Variants in CPZ observed in about 807,000 individuals in gnomAD.
CPZ encodes VEZT/CPZ fusion.
CPZ carries 103 observed loss-of-function variants against 61.8 expected under a neutral mutation model. The observed-to-expected ratio is 1.67, with a 90% CI of 1.42 to 1.96. The LOEUF is 1.96. Among genes scored for constraint, CPZ ranks in the 30% most tolerant of loss-of-function variants. The pLI, the probability that CPZ is intolerant of heterozygous loss-of-function variation, is 0.00. For synonymous variants in CPZ, 551 were observed against 373.7 expected (o/e 1.47, Z -5.47); for missense variants, 1,461 against 914.9 (o/e 1.60, Z -7.70).
At chr4:8,611,118 C>A in intron 7 of CPZ, 1 of 424,064 alleles carries the variant, frequency 2.4e-6, no homozygotes. Context: ...TCACTGGGCC[C>A]TGCCTGTCCA....
Position 8,592,797 on chromosome 4 carries a change from A to G in CPZ, c.-37A>G, listed in dbSNP as rs1489466900. 1 of 1,356,720 alleles carries G rather than the reference A, an allele frequency of 7.4e-7. No homozygotes were observed. Among genetic ancestry groups the G allele is most frequent in the Non-Finnish European group, 9.5e-7 (1 of 1,051,812 alleles). The allele number at this position is 1,356,720 out of a possible 1,614,324, so 84.0% of individuals were successfully genotyped here. ...CGGCCCCGCGCGGCCCGAGTGCCACATCACTGCGCTGGCCGTCCAAGGTCC... is the reference window on the plus strand; with the variant it reads ...CGGCCCCGCGCGGCCCGAGTGCCACGTCACTGCGCTGGCCGTCCAAGGTCC... On this transcript the variant is annotated 5_prime_UTR_variant, in exon 1 of 11. Coordinates refer to ENST00000360986, the MANE Select transcript of CPZ (RefSeq NM_001014447.3).
chr4:8,617,748 C>T (rs1010884231), intron 9 of CPZ, among the ~76,000 whole-genome samples: 1 of 152,174 alleles, frequency 6.6e-6, no homozygotes. Flanking sequence ...CTTCAGCATC[C>T]TTGGACCCCA....
At chr4:8,602,004 G>C (rs1477139752) in intron 3 of CPZ, 3 of 153,110 alleles carry the variant, frequency 2.0e-5, no homozygotes, top group Admixed American at 6.5e-5. Context: ...AGATCACACA[G>C]AGGGTTTGGC....
intron 5 of CPZ, 70 bp from the exon 6 acceptor site, chr4:8,606,667 G>T: frequency 1.9e-6 from 3 of 1,592,740 alleles, no homozygotes; most frequent in Non-Finnish European, 2.6e-6. Flanking sequence ...AGCCCAGCGT[G>T]AGACCCATCT....
At chr4:8,618,941 G>A (rs1716444346) in intron 10 of CPZ, among the ~76,000 whole-genome samples, 1 of 150,476 alleles carries the variant, frequency 6.6e-6, no homozygotes, top group Non-Finnish European at 1.5e-5. Context: ...AAAAATGACG[G>A]TATGCTGTGA....
intron 1 of CPZ, among the ~76,000 whole-genome samples, chr4:8,595,394 T>C (rs1448337745): frequency 6.6e-6 from 1 of 152,218 alleles, no homozygotes; most frequent in Non-Finnish European, 1.5e-5. Flanking sequence ...CAATGGTGAA[T>C]AGCCTAACCA....
rs541190130 is a variant in CPZ, at chr4:8,616,389, C to T, written c.1503+1891C>T. 3.2e-4 allele frequency among the ~76,000 whole-genome samples: 48 copies of T among 152,298 alleles called. No homozygotes were observed. The East Asian group carries it at 6.8e-3, about 21-fold the overall frequency. ...CAAGAGCAGGGACAGAAAAAAAATC[C>T]GTCCACTGCAGGCTGATGCTGAGGG... On this transcript the variant is annotated intron_variant, in intron 9 of 10. Transcript: ENST00000360986.
intron 2 of CPZ, chr4:8,599,723 G>A (rs1714435129): frequency 2.0e-6 from 2 of 1,025,368 alleles, no homozygotes; most frequent in Admixed American, 3.0e-5. Flanking sequence ...CCCAGCCCCT[G>A]CAGAGATGTC....
chr4:8,606,653 C>T (rs921390698), intron 5 of CPZ, 84 bp from the exon 6 acceptor site: 23 of 1,560,450 alleles, frequency 1.5e-5, no homozygotes, highest in Non-Finnish European at 2.0e-5. Context: ...TGGCCTTGAC[C>T]CTCAGCCCAG....
intron 10 of CPZ, 79 bp downstream of exon 10, chr4:8,618,607 C>T: frequency 7.4e-7 from 1 of 1,346,320 alleles, no homozygotes; most frequent in Non-Finnish European, 1.0e-6. Context: ...CACCCTCAGG[C>T]ACTCACAGTG....
chr4:8,602,865 A>C (rs1477030183), intron 3 of CPZ: 1 of 152,186 alleles, frequency 6.6e-6, no homozygotes. Flanking sequence ...TCCCAATCTG[A>C]GAAGGGTGGA....
At chr4:8,614,739 A>G (rs1171163878) in intron 9 of CPZ, among the ~76,000 whole-genome samples, 1 of 152,114 alleles carries the variant, frequency 6.6e-6, no homozygotes, top group Admixed American at 6.5e-5. Context: ...CCTGTGAGCA[A>G]GGATGTTACA....
At chr4:8,596,074 G>C (rs1342926138) in intron 1 of CPZ, among the ~76,000 whole-genome samples, 1 of 121,276 alleles carries the variant, frequency 8.2e-6, no homozygotes, top group Non-Finnish European at 1.7e-5. Context: ...TTTTTTTCAA[G>C]ATAGAGTCTC....
intron 4 of CPZ, 46 bp from the exon 5 acceptor site, chr4:8,605,942 AC>A: frequency 2.5e-6 from 4 of 1,577,072 alleles, no homozygotes; most frequent in Non-Finnish European, 3.5e-6. Flanking sequence ...GCCTTTGGGG[AC>A]CCCCGGCTTT....
At chr4:8,598,870 C>G (rs941576934) in intron 1 of CPZ, among the ~76,000 whole-genome samples, 7 of 152,136 alleles carry the variant, frequency 4.6e-5, no homozygotes, top group African/African-American at 1.7e-4. Flanking sequence ...TGTGTTGATC[C>G]TTTGTTCTTG....
chr4:8,607,294 A>G lies in CPZ; in HGVS notation c.1096A>G (p.Lys366Glu), dbSNP rs772516941. ...GGCCCCGGAGACAAAGGCAATCATG[A>G]AGTGGATGCAGACCATACCCTTTGT... ...KVAPETKAIM[K>E]WMQTIPFVLS... Residue 366 changes from lysine (K) to glutamate (E), a missense_variant, in exon 7 of 11, where the codon AAG becomes GAG. By Grantham distance (56) the Lys-to-Glu change is moderately conservative. Coordinates refer to ENST00000360986, the MANE Select transcript of CPZ (RefSeq NM_001014447.3). 3.7e-6 allele frequency: 6 copies of G among 1,614,060 alleles called. No individual in the cohort carries two copies. The South Asian group carries it at 5.5e-5, about 15-fold the overall frequency.
chr4:8,606,609 C>T, intron 5 of CPZ, 128 bp from the exon 6 acceptor site: 1 of 1,188,494 alleles, frequency 8.4e-7, no homozygotes. Flanking sequence ...TGCCCCCGAG[C>T]TCATCACATA....
intron 9 of CPZ, among the ~76,000 whole-genome samples, chr4:8,617,761 T>C (rs576640790): frequency 6.6e-6 from 1 of 152,246 alleles, no homozygotes; most frequent in East Asian, 1.9e-4. Flanking sequence ...GGACCCCACG[T>C]TGTTTTCTGC....
In CPZ at chr4:8,606,742, CG is replaced by C; in HGVS notation, c.914del (p.Gly305AlafsTer17). 1.2e-6 allele frequency: 2 copies of C among 1,614,102 alleles called. No individual in the cohort carries two copies. Among genetic ancestry groups the C allele is most frequent in the Non-Finnish European group, 1.7e-6 (2 of 1,180,006 alleles). On this transcript the variant is annotated frameshift_variant, in exon 6 of 11. Transcript: ENST00000360986. LOFTEE classifies it high-confidence loss of function. ...GYEVAAAEGA[G>X]YNGWTSGRQN... ...GGGGTTGGCCATGTTTTCAGGGTGC[CG>C]GCTACAACGGGTGGACGAGCGGGAG...
Sources: allele counts gnomAD v4.1 joint callset (sites outside exome capture counted in the v4.1 genomes callset), GRCh38; gene constraint gnomAD v4.1.1; transcripts MANE v1.5; gene names NCBI Gene and HGNC (gene_info 2026-07-23, HGNC 2026-07-21).